The following NOL4L variants were observed in gnomAD, a reference collection of about 807,000 sequenced individuals.
NOL4L encodes nucleolar protein 4-like.
A neutral mutation model predicts 64.5 loss-of-function variants in NOL4L; 7 were observed. That is an observed-to-expected ratio of 0.11 (90% CI 0.06 to 0.20). The LOEUF (loss-of-function observed/expected upper bound fraction) is 0.20. Among genes scored for constraint, NOL4L ranks in the 10% least tolerant of loss-of-function variants. The probability of loss-of-function intolerance (pLI) is 1.00; values close to 1 mark genes in which losing one functional copy is unlikely to be tolerated. For missense variants in NOL4L, 680 were observed against 967.1 expected, an observed-to-expected ratio of 0.70 and a Z score of 3.94; for synonymous variants, 413 against 401.0, an observed-to-expected ratio of 1.03 and a Z score of -0.36.
intron 1 of NOL4L, among the ~76,000 whole-genome samples, chr20:32,539,897 G>A (rs1170697937): frequency 6.6e-6 from 1 of 152,156 alleles, no homozygotes; most frequent in African/African-American, 2.4e-5. Context: ...CCACTTCTCA[G>A]TAACTCTGTT....
At chr20:32,447,874 G>A in intron 10 of NOL4L, 58 bp from the exon 11 acceptor site, 1 of 1,511,974 alleles carries the variant, frequency 6.6e-7, no homozygotes, top group African/African-American at 1.4e-5. Flanking sequence ...CATCTGGGAG[G>A]TGTACCTTCC....
chr20:32,581,455 A>G (rs1297485405), intron 1 of NOL4L, among the ~76,000 whole-genome samples: 1 of 152,090 alleles, frequency 6.6e-6, no homozygotes, highest in African/African-American at 2.4e-5. Flanking sequence ...GGACTAGGAG[A>G]GGGCCCTGAC....
At chr20:32,490,549 T>A (rs2016427023) in intron 4 of NOL4L, among the ~76,000 whole-genome samples, 1 of 152,180 alleles carries the variant, frequency 6.6e-6, no homozygotes, top group African/African-American at 2.4e-5. Flanking sequence ...TTATTCTTTA[T>A]ATTAACTGAT....
chr20:32,469,337 T>C (rs2014826672), intron 5 of NOL4L, among the ~76,000 whole-genome samples: 1 of 151,552 alleles, frequency 6.6e-6, no homozygotes, highest in Non-Finnish European at 1.5e-5. Context: ...TTTTTCATTT[T>C]CTTTTTTCCT....
intron 1 of NOL4L, among the ~76,000 whole-genome samples, chr20:32,558,831 G>A (rs1365285019): frequency 2.6e-5 from 4 of 152,330 alleles, no homozygotes; most frequent in South Asian, 2.1e-4. Flanking sequence ...TTTACGTTTC[G>A]GAAGATCGCT....
intron 1 of NOL4L, among the ~76,000 whole-genome samples, chr20:32,529,619 G>T (rs1390952254): frequency 6.6e-6 from 1 of 152,192 alleles, no homozygotes; most frequent in African/African-American, 2.4e-5. Flanking sequence ...CCATTCAAGA[G>T]CAGAGAGCAG....
At position 32,479,291 on chromosome 20, in the gene NOL4L, C is replaced by T. The variant is rs116378541; in HGVS notation, c.700-4549G>A. Among the ~76,000 whole-genome samples, 378 of 152,358 alleles carry T rather than the reference C, an allele frequency of 2.5e-3. 3 individuals are homozygous for T. The highest frequency in any genetic ancestry group is 8.6e-3 in the African/African-American group (357 of 41,576). On this transcript the variant is annotated intron_variant, in intron 4 of 10. Coordinates refer to ENST00000621426, the MANE Select transcript of NOL4L (RefSeq NM_001256798.2). ...GTGCAGGTTTGAGAGTGGCCAAGGC[C>T]TCAGGCCTGCTCAGAGACCCAAGGT... is the stretch of plus-strand genomic sequence containing the variant.
In NOL4L at chr20:32,447,319, C is replaced by T. The variant is rs764863723; in HGVS notation, c.*277G>A. ...TCTAAACAGAGCTGCAGCCCCAGCG[C>T]CTTGTCAGGGGAGCCCCCAACCCTT... On this transcript the variant is annotated 3_prime_UTR_variant, in exon 11 of 11. Coordinates refer to ENST00000621426, the MANE Select transcript of NOL4L (RefSeq NM_001256798.2). 1 of 611,746 alleles carries T rather than the reference C, an allele frequency of 1.6e-6. No individual in the cohort carries two copies. The highest frequency in any genetic ancestry group is 1.5e-5 in the South Asian group (1 of 65,852). 37.9% of individuals were successfully genotyped at this position (611,746 alleles called of 1,614,324 possible). A position where few individuals can be genotyped will look rare whatever the true frequency, so the allele number is the denominator to read the frequency against.
chr20:32,493,394 T>C (rs1360638991), intron 4 of NOL4L, among the ~76,000 whole-genome samples: 1 of 151,954 alleles, frequency 6.6e-6, no homozygotes, highest in Admixed American at 6.6e-5. Context: ...TGGGGACCTT[T>C]CTGGGGCTGA....
intron 1 of NOL4L, among the ~76,000 whole-genome samples, chr20:32,569,849 A>G (rs965631398): frequency 6.6e-5 from 10 of 152,226 alleles, no homozygotes; most frequent in Admixed American, 1.3e-4. Context: ...ATCTTTATGG[A>G]ATGAATGACA....
At position 32,474,669 on chromosome 20, in the gene NOL4L, G is replaced by A; in HGVS notation, c.773C>T (p.Ala258Val). ...GTCCTGGCTGGGGCTCAGGCTGGAG[G>A]CCAGGTGCGGGTCAGCTGACATCCA... Reference protein sequence around the residue: ...STWMSADPHLASSLSPSQDER... With the variant: ...STWMSADPHLVSSLSPSQDER... The change falls in exon 5 of 11, where the codon GCC (alanine) becomes GTC (valine). Residue 258 changes from alanine to valine, a missense_variant. Ala to Val is a moderately conservative substitution (Grantham distance 64). Transcript: ENST00000621426. 6.2e-7 allele frequency: 1 copy of A among 1,613,820 alleles called. No individual in the cohort carries two copies. The highest frequency in any genetic ancestry group is 1.1e-5 in the South Asian group (1 of 91,084).
At chr20:32,538,851 C>T (rs1009340581) in intron 1 of NOL4L, among the ~76,000 whole-genome samples, 2 of 152,188 alleles carry the variant, frequency 1.3e-5, no homozygotes, top group Admixed American at 6.5e-5. Flanking sequence ...CAGGGGGGCC[C>T]GGCAGCCCTC....
rs2012362319 is a variant in NOL4L at position 32,447,063 on chromosome 20, G to A, written c.*533C>T. 1 of 378,856 alleles carries A rather than the reference G, an allele frequency of 2.6e-6. No homozygotes were observed. The highest frequency in any genetic ancestry group is 5.2e-6 in the Non-Finnish European group (1 of 192,982). 23.5% of individuals were successfully genotyped at this position (378,856 alleles called of 1,614,324 possible). ...CCTACTGGCCCCAGCCCACATCAGT[G>A]TAGTGATATGGAATGTTAGGTATGG... On this transcript the variant is annotated 3_prime_UTR_variant, in exon 11 of 11. Coordinates refer to ENST00000621426, the MANE Select transcript of NOL4L (RefSeq NM_001256798.2).
chr20:32,576,812 C>T (rs1315767669), intron 1 of NOL4L, among the ~76,000 whole-genome samples: 3 of 152,214 alleles, frequency 2.0e-5, no homozygotes, highest in Non-Finnish European at 4.4e-5. Context: ...CAGGGGCATC[C>T]GTCTCCCACA....
At chr20:32,492,622 G>A (rs976293808) in intron 4 of NOL4L, among the ~76,000 whole-genome samples, 4 of 152,350 alleles carry the variant, frequency 2.6e-5, no homozygotes, top group African/African-American at 9.6e-5. Flanking sequence ...CAGCTTCCAT[G>A]GCTAAGCAGC....
At chr20:32,504,895 G>A (rs910420465) in intron 4 of NOL4L, among the ~76,000 whole-genome samples, 2 of 152,132 alleles carry the variant, frequency 1.3e-5, no homozygotes, top group Admixed American at 6.5e-5. Flanking sequence ...CACTGCACCG[G>A]CCACCTCTGC....
intron 1 of NOL4L, among the ~76,000 whole-genome samples, chr20:32,584,101 C>T (rs1252615492): frequency 4.2e-5 from 6 of 141,314 alleles, no homozygotes; most frequent in Non-Finnish European, 7.9e-5. Context: ...TCCCTCCCCC[C>T]CCCCCACCCC....
intron 1 of NOL4L, among the ~76,000 whole-genome samples, chr20:32,536,587 A>T (rs2145591671): frequency 6.8e-6 from 1 of 146,400 alleles, no homozygotes; most frequent in Admixed American, 6.7e-5. Flanking sequence ...CTGGGTTCGG[A>T]GGGCCTGCTG....
In NOL4L at chr20:32,453,086, G is replaced by A. The variant is rs2013100285; in HGVS notation, c.1498-80C>T. 1.9e-6 allele frequency: 3 copies of A among 1,577,278 alleles called. No homozygotes were observed. In the Admixed American group the frequency reaches 5.1e-5, roughly 27 times the overall value. ...GTGCAGAGACCCTGCCCCAGGGGTGGGTGGCACAGGGTGGGGTTTGGGCTC... is the reference window on the plus strand; with the variant it reads ...GTGCAGAGACCCTGCCCCAGGGGTGAGTGGCACAGGGTGGGGTTTGGGCTC... On this transcript the variant is annotated intron_variant, in intron 8 of 10. Transcript: ENST00000621426. This position sits in a 1 kb window ranked among gnomAD's most constrained non-coding sequence, Gnocchi z 5.6.
Sources: gnomAD v4.1 joint callset for allele counts (sites outside exome capture counted in the v4.1 genomes callset) on GRCh38, gnomAD v4.1.1 for gene constraint, Gnocchi (gnomAD v3.1) non-coding constraint, MANE v1.5 for transcripts, NCBI Gene and HGNC (gene_info 2026-07-23, HGNC 2026-07-21) for gene names.